ANKRD61: variants seen among roughly 807,000 people sequenced by gnomAD.
ANKRD61 encodes ankyrin repeat domain 61.
A neutral mutation model predicts 8.4 loss-of-function variants in ANKRD61; 7 were observed. The ratio of observed to expected loss-of-function variants is 0.84; its 90% CI spans 0.48 to 1.57. ANKRD61 has a LOEUF of 1.57. Among genes scored for constraint, ANKRD61 ranks in the 40% most tolerant of loss-of-function variants. The probability of loss-of-function intolerance (pLI) is 0.00; values close to 1 mark genes in which losing one functional copy is unlikely to be tolerated. For synonymous variants in ANKRD61, 198 were observed against 208.0 expected, an observed-to-expected ratio of 0.95 and a Z score of 0.41; for missense variants, 516 against 523.4, an observed-to-expected ratio of 0.99 and a Z score of 0.14.
In ANKRD61 at chr7:6,032,799, C is replaced by A; in HGVS notation, c.217-40C>A. Reference sequence around the variant, plus strand: ...CTAACACAAACAGTATTTTTAACTACACAGGGCCACTTGTAATGTGTTTTG... The same window carrying A: ...CTAACACAAACAGTATTTTTAACTAAACAGGGCCACTTGTAATGTGTTTTG... On this transcript the variant is annotated intron_variant, in intron 1 of 2. Coordinates refer to ENST00000409061, the MANE Select transcript of ANKRD61 (RefSeq NM_001271700.2). This position sits in a 1 kb window ranked among gnomAD's most constrained non-coding sequence, Gnocchi z 4.3. 1 of 1,495,102 alleles carries A rather than the reference C, an allele frequency of 6.7e-7. No individual in the cohort carries two copies. Among genetic ancestry groups the A allele is most frequent in the Non-Finnish European group, 9.1e-7 (1 of 1,097,538 alleles). The allele number at this position is 1,495,102 out of a possible 1,614,324, so 92.6% of individuals were successfully genotyped here.
At chr7:6,034,051 C>T (rs967417178) in intron 2 of ANKRD61, among the ~76,000 whole-genome samples, 8 of 151,268 alleles carry the variant, frequency 5.3e-5, no homozygotes, top group Non-Finnish European at 1.0e-4. Context: ...GGCGCGGTGG[C>T]TCACGCCTGT....
At chr7:6,034,845 G>A (rs894490595) in intron 2 of ANKRD61, among the ~76,000 whole-genome samples, 8 of 152,110 alleles carry the variant, frequency 5.3e-5, no homozygotes, top group African/African-American at 1.4e-4. Context: ...AATGAACTTC[G>A]GAATGACCAC....
chr7:6,035,994 G>A lies in ANKRD61; in HGVS notation c.865G>A (p.Gly289Ser). 6.4e-7 allele frequency: 1 copy of A among 1,551,026 alleles called. No individual in the cohort carries two copies. Among genetic ancestry groups the A allele is most frequent in the East Asian group, 2.4e-5 (1 of 40,894 alleles). ...QTAIHEACFGGREAIINLLLE... is the reference protein window; with the variant it reads ...QTAIHEACFGSREAIINLLLE... Reference sequence around the variant, plus strand: ...AGCCATCCATGAGGCATGCTTTGGAGGCAGAGAGGCAATCATCAATCTCCT... The same window carrying A: ...AGCCATCCATGAGGCATGCTTTGGAAGCAGAGAGGCAATCATCAATCTCCT... The change falls in exon 3 of 3, where the codon GGC (glycine) becomes AGC (serine). Residue 289 changes from glycine to serine, a missense_variant. Gly to Ser is a moderately conservative substitution (Grantham distance 56). Transcript: ENST00000409061. The surrounding 1 kb of genome is among the most constrained non-coding windows in gnomAD (Gnocchi z 5.5).
At chr7:6,031,666 G>T in intron 1 of ANKRD61, 75 bp downstream of exon 1, 4 of 1,434,334 alleles carry the variant, frequency 2.8e-6, no homozygotes, top group Middle Eastern at 1.9e-4. Context: ...TAAAGCTGGT[G>T]AACCCACTAA....
At position 6,035,011 on chromosome 7, in the gene ANKRD61, G is replaced by T. The variant is rs1788035479; in HGVS notation, c.315-433G>T. On this transcript the variant is annotated intron_variant, in intron 2 of 2. Coordinates refer to ENST00000409061, the MANE Select transcript of ANKRD61 (RefSeq NM_001271700.2). The surrounding 1 kb of genome is among the most constrained non-coding windows in gnomAD (Gnocchi z 5.5). Reference sequence around the variant, plus strand: ...TGTGGCAATAACAGATCACACTCAAGTCCACACAATTTCACAGAAAGCCAG... The same window carrying T: ...TGTGGCAATAACAGATCACACTCAATTCCACACAATTTCACAGAAAGCCAG... Among the ~76,000 whole-genome samples, 1 of 152,076 alleles carries T rather than the reference G, an allele frequency of 6.6e-6. No individual in the cohort carries two copies. The highest frequency in any genetic ancestry group is 1.5e-5 in the Non-Finnish European group (1 of 68,038).
chr7:6,033,646 A>G lies in ANKRD61; in HGVS notation c.314+710A>G, dbSNP rs973013764. On this transcript the variant is annotated intron_variant, in intron 2 of 2. Transcript: ENST00000409061. The surrounding 1 kb of genome is among the most constrained non-coding windows in gnomAD (Gnocchi z 4.4). ...CGCTCTGTCGCCCAGGCTGGAGTGC[A>G]GTGGCACCATTCTCCTGGGTTCACG... 7.3e-5 allele frequency among the ~76,000 whole-genome samples: 11 copies of G among 151,246 alleles called. No individual in the cohort carries two copies. Among genetic ancestry groups the G allele is most frequent in the Non-Finnish European group, 1.3e-4 (9 of 67,476 alleles).
In ANKRD61 at chr7:6,035,962, G is replaced by C; in HGVS notation, c.833G>C (p.Gly278Ala). ...GAKVNAQDYK[G>A]QTAIHEACFG... ...AAAGTCAACGCCCAGGACTACAAGG[G>C]CCAAACAGCCATCCATGAGGCATGC... Residue 278 changes from glycine to alanine, a missense_variant, in exon 3 of 3, where the codon GGC (glycine) becomes GCC (alanine). Gly to Ala is a moderately conservative substitution (Grantham distance 60). Transcript: ENST00000409061. This position sits in a 1 kb window ranked among gnomAD's most constrained non-coding sequence, Gnocchi z 5.5. The C allele has an allele frequency of 6.5e-7, 1 of 1,549,862 alleles. No individual in the cohort carries two copies. The highest frequency in any genetic ancestry group is 8.7e-7 in the Non-Finnish European group (1 of 1,146,404).
At position 6,033,386 on chromosome 7, in the gene ANKRD61, A is replaced by C. The variant is rs918697317; in HGVS notation, c.314+450A>C. On this transcript the variant is annotated intron_variant, in intron 2 of 2. Transcript: ENST00000409061. The surrounding 1 kb of genome is among the most constrained non-coding windows in gnomAD (Gnocchi z 4.4). ...TTCTTATGAATGAACCAATGTCTTTACTGAGTAGATGAGATACTCTGAAAA... is the reference window on the plus strand; with the variant it reads ...TTCTTATGAATGAACCAATGTCTTTCCTGAGTAGATGAGATACTCTGAAAA... Among the ~76,000 whole-genome samples the C allele has an allele frequency of 6.6e-6, 1 of 152,106 alleles. No individual in the cohort carries two copies. Among genetic ancestry groups the C allele is most frequent in the African/African-American group, 2.4e-5 (1 of 41,408 alleles).
chr7:6,034,568 C>A (rs12672450), intron 2 of ANKRD61, among the ~76,000 whole-genome samples: 1 of 151,972 alleles, frequency 6.6e-6, no homozygotes, highest in Non-Finnish European at 1.5e-5. Flanking sequence ...ATTTACTGAG[C>A]TGTTTCACTG....
At position 6,035,880 on chromosome 7, in the gene ANKRD61, G is replaced by T. The variant is rs113729563; in HGVS notation, c.751G>T (p.Gly251Cys). ...LAVCTASSKA[G>C]RLLGAGVSCI... Reference sequence around the variant, plus strand: ...AGTGTGCACTGCATCAAGCAAAGCAGGCCGACTCCTCGGGGCGGGGGTCAG... The same window carrying T: ...AGTGTGCACTGCATCAAGCAAAGCATGCCGACTCCTCGGGGCGGGGGTCAG... Residue 251 changes from glycine to cysteine, a missense_variant, in exon 3 of 3, where the codon GGC becomes TGC. Gly to Cys is a radical substitution (Grantham distance 159, BLOSUM62 -3). Transcript: ENST00000409061. The surrounding 1 kb of genome is among the most constrained non-coding windows in gnomAD (Gnocchi z 5.5). 9.6e-4 allele frequency: 1,487 copies of T among 1,547,054 alleles called. 10 individuals carry two copies. The African/African-American group carries it at 0.018, about 19-fold the overall frequency.
rs1040281913 is a variant in ANKRD61, at chr7:6,032,002, C to T, written c.216+411C>T. Among the ~76,000 whole-genome samples the T allele has an allele frequency of 3.9e-5, 6 of 152,050 alleles. No individual in the cohort carries two copies. The highest frequency in any genetic ancestry group is 6.6e-5 in the Admixed American group (1 of 15,248). On this transcript the variant is annotated intron_variant, in intron 1 of 2. Transcript: ENST00000409061. This position sits in a 1 kb window ranked among gnomAD's most constrained non-coding sequence, Gnocchi z 4.3. ...CAGCCTGGCCAGCAGGGCAAAACCC[C>T]GTCTCTACTAAAAATACAAAAATTA...
chr7:6,031,555 G>A lies in ANKRD61; in HGVS notation c.180G>A (p.Leu60=), dbSNP rs1787913001. 4 of 1,550,554 alleles carry A rather than the reference G, an allele frequency of 2.6e-6. No homozygotes were observed. Among genetic ancestry groups the A allele is most frequent in the Admixed American group, 3.9e-5 (2 of 50,948 alleles). Residue 60 remains leucine, a synonymous_variant, in exon 1 of 3, where the codon CTG becomes CTA. Coordinates refer to ENST00000409061, the MANE Select transcript of ANKRD61 (RefSeq NM_001271700.2). ...NHPVNQPITI[L]PNSASNRLLL... ...CTGTCAACCAGCCCATCACCATTCT[G>A]CCCAACTCCGCCAGCAACAGATTAC... is the stretch of plus-strand genomic sequence containing the variant.
At position 6,033,688 on chromosome 7, in the gene ANKRD61, G is replaced by C. The variant is rs370586229; in HGVS notation, c.314+752G>C. ...GGGTTCACGCCATTCTCCTGCCTCA[G>C]CCTCCCAAGTAGCTGGGACTACAGG... On this transcript the variant is annotated intron_variant, in intron 2 of 2. Coordinates refer to ENST00000409061, the MANE Select transcript of ANKRD61 (RefSeq NM_001271700.2). This position sits in a 1 kb window ranked among gnomAD's most constrained non-coding sequence, Gnocchi z 4.4. Among the ~76,000 whole-genome samples, 39 of 151,576 alleles carry C rather than the reference G, an allele frequency of 2.6e-4. No individual in the cohort carries two copies. The highest frequency in any genetic ancestry group is 9.2e-4 in the African/African-American group (38 of 41,484).
Position 6,036,392 on chromosome 7 carries a change from G to A in ANKRD61, c.*6G>A, listed in dbSNP as rs550569750. On this transcript the variant is annotated 3_prime_UTR_variant, in exon 3 of 3. Coordinates refer to ENST00000409061, the MANE Select transcript of ANKRD61 (RefSeq NM_001271700.2). The surrounding 1 kb of genome is among the most constrained non-coding windows in gnomAD (Gnocchi z 4.6). The stretch of plus-strand genomic sequence containing the variant: ...ACTTGGCATATACCTCTTGAAATAA[G>A]ACCTCCCAGTTTCACAGCAGAGGGA... 750 of 1,452,838 alleles carry A rather than the reference G, an allele frequency of 5.2e-4. No individual in the cohort carries two copies. Among genetic ancestry groups the A allele is most frequent in the Admixed American group, 8.2e-4 (30 of 36,550 alleles). 90.0% of individuals were successfully genotyped at this position (1,452,838 alleles called of 1,614,324 possible). A position where few individuals can be genotyped will look rare whatever the true frequency, so the allele number is the denominator to read the frequency against.
rs911845903 is a variant in ANKRD61, at chr7:6,033,093, C to G, written c.314+157C>G. Among the ~76,000 whole-genome samples the G allele has an allele frequency of 6.6e-6, 1 of 152,120 alleles. No homozygotes were observed. Among genetic ancestry groups the G allele is most frequent in the African/African-American group, 2.4e-5 (1 of 41,420 alleles). ...AAGAGCTTCTCCCACCTCAGCCTCC[C>G]GAGTAGCTGGGATTACAGGTGTGCG... On this transcript the variant is annotated intron_variant, in intron 2 of 2. Transcript: ENST00000409061. This position sits in a 1 kb window ranked among gnomAD's most constrained non-coding sequence, Gnocchi z 4.4.
In ANKRD61 at chr7:6,031,588, C is replaced by CCTCTTTTCTGCT. The variant is rs1186048069; in HGVS notation, c.214_215insTCTTTTCTGCTC (p.Thr71_Gln72insLeuPheSerAla). The CCTCTTTTCTGCT allele has an allele frequency of 1.3e-6, 2 of 1,550,656 alleles. No individual in the cohort carries two copies. The highest frequency in any genetic ancestry group is 2.4e-5 in the South Asian group (2 of 84,058). The stretch of plus-strand genomic sequence containing the variant: ...CCGCCAGCAACAGATTACTTCTGAC[C>CCTCTTTTCTGCT]CAGGTACCCTCTTTTCTGCTCAGTC... On this transcript the variant is annotated inframe_insertion, in exon 1 of 3. Coordinates refer to ENST00000409061, the MANE Select transcript of ANKRD61 (RefSeq NM_001271700.2).
In ANKRD61 at chr7:6,033,406, T is replaced by C. The variant is rs1226375607; in HGVS notation, c.314+470T>C. Among the ~76,000 whole-genome samples, 1 of 152,214 alleles carries C rather than the reference T, an allele frequency of 6.6e-6. No homozygotes were observed. Among genetic ancestry groups the C allele is most frequent in the East Asian group, 1.9e-4 (1 of 5,202 alleles). On this transcript the variant is annotated intron_variant, in intron 2 of 2. Coordinates refer to ENST00000409061, the MANE Select transcript of ANKRD61 (RefSeq NM_001271700.2). This position sits in a 1 kb window ranked among gnomAD's most constrained non-coding sequence, Gnocchi z 4.4. Reference sequence around the variant, plus strand: ...TCTTTACTGAGTAGATGAGATACTCTGAAAAACTGAGAAAAATGCAACATC... The same window carrying C: ...TCTTTACTGAGTAGATGAGATACTCCGAAAAACTGAGAAAAATGCAACATC...
intron 2 of ANKRD61, among the ~76,000 whole-genome samples, chr7:6,034,739 T>C (rs145104132): frequency 2.6e-4 from 39 of 152,312 alleles, no homozygotes; most frequent in Non-Finnish European, 3.8e-4. Flanking sequence ...ATAATAAACC[T>C]TCCTTTTGCT....
rs1384992247 is a variant in ANKRD61 at position 6,035,992 on chromosome 7, G to A, written c.863G>A (p.Gly288Glu). 1 of 1,550,996 alleles carries A rather than the reference G, an allele frequency of 6.4e-7. No homozygotes were observed. The highest frequency in any genetic ancestry group is 8.7e-7 in the Non-Finnish European group (1 of 1,147,064). The change falls in exon 3 of 3, where the codon GGA (glycine) becomes GAA (glutamate). Residue 288 changes from glycine (G) to glutamate (E), a missense_variant. Gly to Glu is a moderately conservative substitution (Grantham distance 98). Coordinates refer to ENST00000409061, the MANE Select transcript of ANKRD61 (RefSeq NM_001271700.2). This position sits in a 1 kb window ranked among gnomAD's most constrained non-coding sequence, Gnocchi z 5.5. ...GQTAIHEACF[G>E]GREAIINLLL... ...ACAGCCATCCATGAGGCATGCTTTG[G>A]AGGCAGAGAGGCAATCATCAATCTC...
Sources: allele counts gnomAD v4.1 joint callset (sites outside exome capture counted in the v4.1 genomes callset), GRCh38; gene constraint gnomAD v4.1.1; non-coding constraint Gnocchi (gnomAD v3.1); transcripts MANE v1.5; gene names NCBI Gene and HGNC (gene_info 2026-07-23, HGNC 2026-07-21).